Variants in ZBTB16 observed in about 807,000 individuals in gnomAD.
The protein encoded by ZBTB16 is zinc finger and BTB domain containing 16, also known as zinc finger and BTB domain-containing protein 16.
Under a neutral mutation model 56.8 loss-of-function variants are expected in ZBTB16, and 8 were observed. The observed-to-expected ratio is 0.14, with a 90% CI of 0.08 to 0.25. The LOEUF is 0.25. ZBTB16 is among the 10% of genes least tolerant of loss of function. The probability of loss-of-function intolerance (pLI) is 1.00; values close to 1 mark genes in which losing one functional copy is unlikely to be tolerated. For synonymous variants in ZBTB16, 363 were observed against 368.5 expected (o/e 0.98, Z 0.17); for missense variants, 625 against 903.0 (o/e 0.69, Z 3.95).
chr11:114,217,864 A>G (rs987437422), intron 4 of ZBTB16, among the ~76,000 whole-genome samples: 11 of 152,196 alleles, frequency 7.2e-5, no homozygotes, highest in African/African-American at 2.7e-4. Flanking sequence ...GGCAGGAAGC[A>G]TGGGACCTCA....
chr11:114,163,812 C>T (rs1942665436), intron 3 of ZBTB16, among the ~76,000 whole-genome samples: 1 of 152,174 alleles, frequency 6.6e-6, no homozygotes, highest in South Asian at 2.1e-4. Context: ...CCCCGCAAAT[C>T]CCCCATCCCA....
rs74937264 is a variant in ZBTB16 at position 114,129,501 on chromosome 11, C to T, written c.1269-26836C>T. 4.4e-3 allele frequency among the ~76,000 whole-genome samples: 676 copies of T among 152,354 alleles called. 12 individuals carry two copies. Among genetic ancestry groups the T allele is most frequent in the African/African-American group, 0.015 (618 of 41,580 alleles). Reference sequence around the variant, plus strand: ...CTGCCTTACGCAGGCTCCCAGCACGCGCCCCTTGGCCCACCTGCCTATTCC... The same window carrying T: ...CTGCCTTACGCAGGCTCCCAGCACGTGCCCCTTGGCCCACCTGCCTATTCC... On this transcript the variant is annotated intron_variant, in intron 2 of 6. Transcript: ENST00000335953.
intron 3 of ZBTB16, among the ~76,000 whole-genome samples, chr11:114,156,809 TAG>T (rs958632310): frequency 6.6e-6 from 1 of 152,206 alleles, no homozygotes; most frequent in African/African-American, 2.4e-5. Flanking sequence ...TAAATGGATA[TAG>T]AAAGGTTGGA....
chr11:114,087,082 C>A (rs1478848565), intron 2 of ZBTB16, among the ~76,000 whole-genome samples: 1 of 152,144 alleles, frequency 6.6e-6, no homozygotes, highest in South Asian at 2.1e-4. Flanking sequence ...TTCTAAGTGG[C>A]AAACACTTTG....
intron 2 of ZBTB16, among the ~76,000 whole-genome samples, chr11:114,153,542 G>A (rs1436827994): frequency 6.6e-6 from 1 of 152,190 alleles, no homozygotes; most frequent in African/African-American, 2.4e-5. Context: ...ACTTCTGGAA[G>A]TTTCTTTCAC....
chr11:114,203,277 T>G (rs527752325), intron 4 of ZBTB16, among the ~76,000 whole-genome samples: 3 of 152,334 alleles, frequency 2.0e-5, no homozygotes, highest in Non-Finnish European at 4.4e-5. Context: ...GTTAGTAGAT[T>G]AGTGGATGCC....
intron 2 of ZBTB16, among the ~76,000 whole-genome samples, chr11:114,151,548 A>G (rs997441005): frequency 2.0e-5 from 3 of 152,090 alleles, no homozygotes; most frequent in Admixed American, 6.5e-5. Context: ...AGGTCAGACA[A>G]TTTCAACCCT....
At chr11:114,224,108 A>G (rs1489731054) in intron 4 of ZBTB16, among the ~76,000 whole-genome samples, 1 of 152,244 alleles carries the variant, frequency 6.6e-6, no homozygotes, top group African/African-American at 2.4e-5. Flanking sequence ...AGGTGATGTC[A>G]TGGAAAAGTT....
chr11:114,075,699 G>C (rs889385739), intron 2 of ZBTB16, among the ~76,000 whole-genome samples: 5 of 151,466 alleles, frequency 3.3e-5, no homozygotes, highest in African/African-American at 1.2e-4. Flanking sequence ...TTGAACTCCC[G>C]ACCTCAGGTG....
chr11:114,125,973 A>G (rs2137815052), intron 2 of ZBTB16, among the ~76,000 whole-genome samples: 1 of 152,326 alleles, frequency 6.6e-6, no homozygotes, highest in East Asian at 1.9e-4. Context: ...TGCACACTCC[A>G]ACTCTTGGAG....
At chr11:114,204,080 G>A (rs1186401550) in intron 4 of ZBTB16, among the ~76,000 whole-genome samples, 1 of 151,932 alleles carries the variant, frequency 6.6e-6, no homozygotes, top group Non-Finnish European at 1.5e-5. Context: ...AATCATACCT[G>A]TAATACGGCT....
At chr11:114,144,007 T>C (rs1200645298) in intron 2 of ZBTB16, among the ~76,000 whole-genome samples, 1 of 152,150 alleles carries the variant, frequency 6.6e-6, no homozygotes, top group Non-Finnish European at 1.5e-5. Flanking sequence ...TGCCTGGTGC[T>C]TTTCCCCATG....
chr11:114,216,745 C>T (rs397461), intron 4 of ZBTB16, among the ~76,000 whole-genome samples: 26,467 of 152,176 alleles, frequency 0.17, 2,476 homozygotes, highest in Middle Eastern at 0.28. Flanking sequence ...CCCCTATTCC[C>T]TATCATTTTC....
intron 4 of ZBTB16, among the ~76,000 whole-genome samples, chr11:114,214,664 C>T (rs538451955): frequency 5.3e-5 from 8 of 152,100 alleles, no homozygotes; most frequent in South Asian, 4.2e-4. Flanking sequence ...AGTGCAGTGG[C>T]GCAATTTTGG....
intron 5 of ZBTB16, among the ~76,000 whole-genome samples, chr11:114,242,887 A>G (rs2135201238): frequency 6.6e-6 from 1 of 152,340 alleles, no homozygotes; most frequent in East Asian, 1.9e-4. Flanking sequence ...TGTTTAGGGA[A>G]GACAAGGAGG....
rs370062315 is a variant in ZBTB16 at position 114,083,006 on chromosome 11, G to T, written c.1268+18438G>T. On this transcript the variant is annotated intron_variant, in intron 2 of 6. Coordinates refer to ENST00000335953, the MANE Select transcript of ZBTB16 (RefSeq NM_006006.6). The stretch of plus-strand genomic sequence containing the variant: ...AAGGGCCCCAACGTTGTGTAACGAG[G>T]GGCATGGGCTGTTTGCCCGAGTGGC... 4.1e-4 allele frequency among the ~76,000 whole-genome samples: 63 copies of T among 152,326 alleles called. 3 individuals are homozygous for T. The South Asian group carries it at 0.013, about 32-fold the overall frequency.
chr11:114,185,540 TTGAG>T (rs1724904304), intron 3 of ZBTB16, among the ~76,000 whole-genome samples: 1 of 152,216 alleles, frequency 6.6e-6, no homozygotes. Context: ...TTGTATCTTC[TTGAG>T]TAAGAACGTG....
At chr11:114,174,046 C>T (rs1397564247) in intron 3 of ZBTB16, among the ~76,000 whole-genome samples, 1 of 152,190 alleles carries the variant, frequency 6.6e-6, no homozygotes, top group Non-Finnish European at 1.5e-5. Context: ...ACTCATTCCT[C>T]TCTATAATAG....
At chr11:114,205,945 C>T (rs1004292973) in intron 4 of ZBTB16, among the ~76,000 whole-genome samples, 2 of 152,080 alleles carry the variant, frequency 1.3e-5, no homozygotes, top group African/African-American at 4.8e-5. Flanking sequence ...GCTCGGGATC[C>T]CCTGTCTCCA....
Sources: allele counts gnomAD v4.1 joint callset (sites outside exome capture counted in the v4.1 genomes callset), GRCh38; gene constraint gnomAD v4.1.1; transcripts MANE v1.5; gene names NCBI Gene and HGNC (gene_info 2026-07-23, HGNC 2026-07-21).